The following CCDC57 variants were observed in gnomAD, a reference collection of about 807,000 sequenced individuals.
CCDC57 encodes coiled-coil domain containing 57, also known as coiled-coil domain-containing protein 57.
Under a neutral mutation model 118.9 loss-of-function variants are expected in CCDC57, and 118 were observed. That is an observed-to-expected ratio of 0.99 (90% CI 0.86 to 1.16). CCDC57 has a LOEUF of 1.16. Ranked by LOEUF, CCDC57 falls within the 50% of genes most tolerant of loss-of-function variation. CCDC57 has a pLI of 0.00. For synonymous variants in CCDC57, 527 were observed against 532.9 expected (o/e 0.99, Z 0.15); for missense variants, 1,300 against 1,320.7 (o/e 0.98, Z 0.24).
rs150778931 is a variant in CCDC57 at position 82,180,039 on chromosome 17, G to A, written c.1212-850C>T. 7.9e-4 allele frequency among the ~76,000 whole-genome samples: 120 copies of A among 152,316 alleles called. 1 individual carries two copies. Among genetic ancestry groups the A allele is most frequent in the African/African-American group, 2.8e-3 (118 of 41,564 alleles). On this transcript the variant is annotated intron_variant, in intron 9 of 19. Coordinates refer to ENST00000665763, the Ensembl canonical transcript of CCDC57. Reference sequence around the variant, plus strand: ...GCAGCGACACAGAGATGGTGGCATGGCTCTGCGTGAGACTGGAGGGAGACT... The same window carrying A: ...GCAGCGACACAGAGATGGTGGCATGACTCTGCGTGAGACTGGAGGGAGACT...
intron 19 of CCDC57, among the ~76,000 whole-genome samples, chr17:82,124,484 G>A (rs1430369343): frequency 6.6e-6 from 1 of 152,162 alleles, no homozygotes; most frequent in African/African-American, 2.4e-5. Flanking sequence ...AGCTAGTCAA[G>A]TAAAAATTTA....
At chr17:82,179,301 T>C in intron 9 of CCDC57, 112 bp from the exon 9 acceptor site, 1 of 1,161,200 alleles carries the variant, frequency 8.6e-7, no homozygotes, top group Non-Finnish European at 1.2e-6. Flanking sequence ...TGCTCTCGCA[T>C]GGCCTGCGCT....
intron 19 of CCDC57, among the ~76,000 whole-genome samples, chr17:82,123,500 A>C (rs2037017051): frequency 6.6e-6 from 1 of 152,026 alleles, no homozygotes; most frequent in South Asian, 2.1e-4. Flanking sequence ...GGGATGTTAC[A>C]TACTGGTAAA....
Position 82,196,556 on chromosome 17 carries a change from C to G in CCDC57, c.517-1192G>C, listed in dbSNP as rs578185839. 7.9e-5 allele frequency among the ~76,000 whole-genome samples: 12 copies of G among 152,292 alleles called. No homozygotes were observed. The South Asian group carries it at 2.5e-3, about 32-fold the overall frequency. On this transcript the variant is annotated intron_variant, in intron 4 of 19. Coordinates refer to ENST00000665763, the Ensembl canonical transcript of CCDC57. ...GCAAATTAGTGACACACTGGCCTAT[C>G]CTACTATGACCAAGCTCCCAACATC...
chr17:82,197,353 T>C (rs1424051862), intron 4 of CCDC57, among the ~76,000 whole-genome samples: 1 of 152,250 alleles, frequency 6.6e-6, no homozygotes, highest in Non-Finnish European at 1.5e-5. Context: ...AGTGGCAGCA[T>C]CTCTGACTGT....
intron 2 of CCDC57, among the ~76,000 whole-genome samples, chr17:82,205,389 A>G (rs1164938001): frequency 1.3e-5 from 2 of 152,152 alleles, no homozygotes; most frequent in African/African-American, 2.4e-5. Flanking sequence ...GAATCTGATC[A>G]TGCAATCTTA....
At chr17:82,109,133 A>G (rs1307898555) in intron 19 of CCDC57, among the ~76,000 whole-genome samples, 1 of 152,228 alleles carries the variant, frequency 6.6e-6, no homozygotes, top group African/African-American at 2.4e-5. Context: ...CCACACAGAA[A>G]GTGTTGGGGG....
Position 82,167,958 on chromosome 17 carries a change from C to T in CCDC57, c.1882+3743G>A, listed in dbSNP as rs114145839. ...GAGTTAAGTGTGAAAGAATGTCTAT[C>T]ATATTCATCCTTGCCATTAGTTTTC... is the stretch of plus-strand genomic sequence containing the variant. On this transcript the variant is annotated intron_variant, in intron 13 of 19. Coordinates refer to ENST00000665763, the Ensembl canonical transcript of CCDC57. 5.2e-3 allele frequency among the ~76,000 whole-genome samples: 790 copies of T among 152,328 alleles called. 5 individuals carry two copies. The Middle Eastern group carries it at 0.058, about 11-fold the overall frequency.
At chr17:82,132,798 C>T (rs113838305) in intron 17 of CCDC57, among the ~76,000 whole-genome samples, 3 of 130,748 alleles carry the variant, frequency 2.3e-5, no homozygotes, top group Admixed American at 9.4e-5. Context: ...CTTGCTCTGT[C>T]GCCCAGGCTG....
At chr17:82,101,679 A>C (rs774270144) in exon 20 of CCDC57, 2 of 1,596,002 alleles carry the variant, frequency 1.3e-6, no homozygotes, top group South Asian at 2.3e-5. Flanking sequence ...TGGGGGGAGG[A>C]AGTCAGTCCA....
intron 16 of CCDC57, among the ~76,000 whole-genome samples, chr17:82,135,818 G>A (rs2039073023): frequency 1.5e-4 from 2 of 13,476 alleles, no homozygotes; most frequent in Admixed American, 1.7e-3. Context: ...CCAGCACACT[G>A]GGAGGCCGGG....
exon 16 of CCDC57, chr17:82,151,729 C>T: frequency 6.5e-7 from 1 of 1,550,326 alleles, no homozygotes; most frequent in East Asian, 2.4e-5. Context: ...GCAGGAAAAG[C>T]TCCCCCTGGT....
intron 19 of CCDC57, among the ~76,000 whole-genome samples, chr17:82,105,534 T>A (rs2034786624): frequency 6.6e-6 from 1 of 151,938 alleles, no homozygotes; most frequent in Admixed American, 6.5e-5. Flanking sequence ...CCTGGGAGGC[T>A]CACAGGCCAC....
Position 82,172,009 on chromosome 17 carries a change from C to T in CCDC57, c.1730-156G>A, listed in dbSNP as rs2044806075. ...CTACAGCTTCACCGTAGTTTCCACA[C>T]TCTCTGTGTGTGTCAGACTGAAAGA... On this transcript the variant is annotated intron_variant, in intron 12 of 19. Coordinates refer to ENST00000665763, the Ensembl canonical transcript of CCDC57. The surrounding 1 kb of genome is among the most constrained non-coding windows in gnomAD (Gnocchi z 5.2). Among the ~76,000 whole-genome samples the T allele has an allele frequency of 6.6e-6, 1 of 152,214 alleles. No homozygotes were observed. The highest frequency in any genetic ancestry group is 2.4e-5 in the African/African-American group (1 of 41,452).
At chr17:82,171,645 G>C (rs1398257405) in intron 13 of CCDC57, 56 bp downstream of exon 12, 2 of 1,569,608 alleles carry the variant, frequency 1.3e-6, no homozygotes, top group Non-Finnish European at 1.7e-6. Flanking sequence ...CTTTTGCAGG[G>C]GTCAGATTTC....
intron 15 of CCDC57, chr17:82,156,335 C>A (rs557878849): frequency 7.9e-5 from 12 of 152,180 alleles, no homozygotes; most frequent in Middle Eastern, 3.4e-3. Flanking sequence ...TGTATAAATT[C>A]TTGCCCCTTC....
intron 19 of CCDC57, among the ~76,000 whole-genome samples, chr17:82,109,984 G>GTTT (rs530570604): frequency 2.1e-5 from 3 of 140,844 alleles, no homozygotes; most frequent in Admixed American, 7.1e-5. Flanking sequence ...AAAGAAGTCT[G>GTTT]TTTTTTTTTT....
chr17:82,104,213 C>T (rs549983286), intron 19 of CCDC57, among the ~76,000 whole-genome samples: 7 of 152,384 alleles, frequency 4.6e-5, no homozygotes, highest in South Asian at 2.1e-4. Flanking sequence ...CGAGCCTGGC[C>T]GGGATTTCTC....
chr17:82,128,056 A>G, intron 18 of CCDC57, 148 bp from the exon 18 acceptor site: 1 of 1,200,836 alleles, frequency 8.3e-7, no homozygotes, highest in Non-Finnish European at 1.1e-6. Context: ...CACCCAGGAG[A>G]GGCAGCTGCA....
Sources: allele counts gnomAD v4.1 joint callset (sites outside exome capture counted in the v4.1 genomes callset), GRCh38; gene constraint gnomAD v4.1.1; non-coding constraint Gnocchi (gnomAD v3.1); transcripts MANE v1.5; gene names NCBI Gene and HGNC (gene_info 2026-07-23, HGNC 2026-07-21).